The following KIR2DL4 variants were observed in gnomAD, a reference collection of about 807,000 sequenced individuals.
KIR2DL4 encodes killer cell immunoglobulin like receptor, two Ig domains and long cytoplasmic tail 4.
In KIR2DL4, 41 loss-of-function variants were observed where a neutral mutation model predicts 31.0. The ratio of observed to expected loss-of-function variants is 1.32; its 90% CI spans 1.03 to 1.72. The LOEUF is 1.72. Ranked by LOEUF, KIR2DL4 falls within the 40% of genes most tolerant of loss-of-function variation. KIR2DL4 has a pLI of 0.00. For missense variants in KIR2DL4, 438 were observed against 353.7 expected (o/e 1.24, Z -1.91); for synonymous variants, 164 against 133.6 (o/e 1.23, Z -1.57).
rs539742342 is a variant in KIR2DL4, at chr19:54,810,287, T to A, written c.706+1404T>A. On this transcript the variant is annotated intron_variant, in intron 5 of 7. Transcript: ENST00000359085. Reference sequence around the variant, plus strand: ...CCATGTCCCACCACGCCTGGCTAATTTTTTTTTGGTATTTTTTTTTAGTAC... The same window carrying A: ...CCATGTCCCACCACGCCTGGCTAATATTTTTTTGGTATTTTTTTTTAGTAC... 1.4e-5 allele frequency among the ~76,000 whole-genome samples: 2 copies of A among 142,160 alleles called. 1 individual carries two copies. Among genetic ancestry groups the A allele is most frequent in the African/African-American group, 5.1e-5 (2 of 39,426 alleles). The allele number at this position is 142,160 out of a possible 152,430, so 93.3% of individuals were successfully genotyped here. A position where few individuals can be genotyped will look rare whatever the true frequency, so the allele number is the denominator to read the frequency against.
At chr19:54,804,799 A>C in exon 3 of KIR2DL4, 2 of 1,611,694 alleles carry the variant, frequency 1.2e-6, no homozygotes, top group Non-Finnish European at 1.7e-6. Context: ...CAAGGTGGTC[A>C]GGACAAGCCC....
At chr19:54,812,265 C>T (rs1257458891) in intron 5 of KIR2DL4, among the ~76,000 whole-genome samples, 1 of 151,312 alleles carries the variant, frequency 6.6e-6, no homozygotes, top group Non-Finnish European at 1.5e-5. Context: ...ACCTTCCTTT[C>T]AGGGTGAGCC....
At position 54,803,835 on chromosome 19, in the gene KIR2DL4, G is replaced by C; in HGVS notation, c.41-56G>C. 3 of 1,579,516 alleles carry C rather than the reference G, an allele frequency of 1.9e-6. No individual in the cohort carries two copies. In the South Asian group the frequency reaches 3.4e-5, roughly 18 times the overall value. ...TCCAGCGTGGCGCCCAGTGGCTCAG[G>C]AGGAAAGGGTAGGTTGCTGCCGAGA... On this transcript the variant is annotated intron_variant, in intron 1 of 7. Coordinates refer to ENST00000359085, the Ensembl canonical transcript of KIR2DL4.
chr19:54,806,163 A>G (rs1234589798), exon 4 of KIR2DL4: 2 of 1,611,508 alleles, frequency 1.2e-6, no homozygotes, highest in Admixed American at 1.7e-5. Context: ...CCACGGAGAG[A>G]CCTACAGATG....
intron 5 of KIR2DL4, among the ~76,000 whole-genome samples, chr19:54,809,991 G>A (rs2147945639): frequency 6.7e-6 from 1 of 149,850 alleles, no homozygotes; most frequent in African/African-American, 2.5e-5. Context: ...GGTAAACAAG[G>A]TGCATTTGGC....
intron 6 of KIR2DL4, chr19:54,813,296 G>T: frequency 6.3e-7 from 1 of 1,592,118 alleles, no homozygotes; most frequent in South Asian, 1.1e-5. Flanking sequence ...GAGCACGCAG[G>T]TGTGTGTTCC....
chr19:54,807,539 G>A (rs2060600972), intron 4 of KIR2DL4, among the ~76,000 whole-genome samples: 1 of 150,648 alleles, frequency 6.6e-6, no homozygotes, highest in Non-Finnish European at 1.5e-5. Flanking sequence ...CAGGATTCAA[G>A]TGATTCTCCA....
chr19:54,803,762 G>C, intron 1 of KIR2DL4, 71 bp downstream of exon 1: 2 of 1,580,434 alleles, frequency 1.3e-6, no homozygotes, highest in Non-Finnish European at 8.7e-7. Flanking sequence ...CCCCAGCAGA[G>C]AGCCATGTTC....
intron 1 of KIR2DL4, 62 bp downstream of exon 1, chr19:54,803,753 C>T: frequency 1.9e-6 from 3 of 1,584,278 alleles, no homozygotes; most frequent in Non-Finnish European, 1.7e-6. Flanking sequence ...TGGGTGTCTC[C>T]CCAGCAGAGA....
exon 3 of KIR2DL4, chr19:54,805,009 G>A (rs756046463): frequency 2.6e-5 from 42 of 1,611,460 alleles, no homozygotes; most frequent in Admixed American, 5.0e-5. Context: ...TACAGATGTC[G>A]AGGTTTTCAC....
chr19:54,810,967 G>A (rs2060833074), intron 5 of KIR2DL4, among the ~76,000 whole-genome samples: 1 of 151,210 alleles, frequency 6.6e-6, no homozygotes, highest in Admixed American at 6.6e-5. Context: ...GGGCTTGCCT[G>A]GTTTGATTTT....
At chr19:54,805,831 G>A (rs1240580225) in intron 3 of KIR2DL4, 120 bp from the exon 4 acceptor site, 5 of 686,130 alleles carry the variant, frequency 7.3e-6, no homozygotes, top group Non-Finnish European at 1.1e-5. Context: ...GGGGGTGGAG[G>A]GTGAGAGAGA....
At chr19:54,813,184 A>G (rs2060975111) in exon 6 of KIR2DL4, 8 of 1,540,138 alleles carry the variant, frequency 5.2e-6, no homozygotes, top group Non-Finnish European at 7.0e-6. Context: ...CCTCTTTACC[A>G]TCCTTCCCTT....
chr19:54,807,701 G>A (rs1184622676), intron 4 of KIR2DL4, among the ~76,000 whole-genome samples: 4 of 149,364 alleles, frequency 2.7e-5, no homozygotes, highest in African/African-American at 1.0e-4. Flanking sequence ...GCCTCCCAAG[G>A]TGCTGGGATT....
chr19:54,813,644 C>T (rs765873914), intron 6 of KIR2DL4, 46 bp from the exon 6 acceptor site: 5 of 1,586,684 alleles, frequency 3.2e-6, no homozygotes, highest in Non-Finnish European at 3.5e-6. Context: ...AAATGAGGAC[C>T]CAGAAGTGCC....
At chr19:54,807,814 G>A (rs1348345836) in intron 4 of KIR2DL4, among the ~76,000 whole-genome samples, 2 of 148,188 alleles carry the variant, frequency 1.3e-5, no homozygotes, top group Non-Finnish European at 3.0e-5. Context: ...TATCAACAGT[G>A]TATTAGGGTT....
intron 5 of KIR2DL4, among the ~76,000 whole-genome samples, chr19:54,810,281 G>C (rs1256787902): frequency 7.4e-6 from 1 of 134,892 alleles, no homozygotes; most frequent in Non-Finnish European, 1.7e-5. Flanking sequence ...ACCACGCCTG[G>C]CTAATTTTTT....
rs543436315 is a variant in KIR2DL4 at position 54,811,021 on chromosome 19, T to G, written c.707-2104T>G. 3.3e-5 allele frequency among the ~76,000 whole-genome samples: 5 copies of G among 151,502 alleles called. No individual in the cohort carries two copies. The East Asian group carries it at 9.6e-4, about 29-fold the overall frequency. ...CACTTCATTGATTTCTTTCTGAGAT[T>G]TATTTTTCCTACATGTAAATCAATA... On this transcript the variant is annotated intron_variant, in intron 5 of 7. Transcript: ENST00000359085.
At chr19:54,805,821 G>C in intron 3 of KIR2DL4, 130 bp from the exon 4 acceptor site, 1 of 848,318 alleles carries the variant, frequency 1.2e-6, no homozygotes. Flanking sequence ...AGGAAGAGTT[G>C]GGGGTGGAGG....
Sources: allele counts gnomAD v4.1 joint callset (sites outside exome capture counted in the v4.1 genomes callset), GRCh38; gene constraint gnomAD v4.1.1; transcripts MANE v1.5; gene names NCBI Gene and HGNC (gene_info 2026-07-23, HGNC 2026-07-21).